CDH12: variants seen among roughly 807,000 people sequenced by gnomAD.
CDH12 encodes cadherin 12, also known as cadherin-12.
CDH12 carries 41 observed loss-of-function variants against 74.1 expected under a neutral mutation model. The ratio of observed to expected loss-of-function variants is 0.55; its 90% CI spans 0.43 to 0.72. CDH12 has a LOEUF of 0.72. Among genes scored for constraint, CDH12 ranks in the 30% least tolerant of loss-of-function variants. The pLI is 0.00. For missense variants in CDH12, 945 were observed against 977.2 expected, an observed-to-expected ratio of 0.97 and a Z score of 0.44; for synonymous variants, 399 against 355.0, an observed-to-expected ratio of 1.12 and a Z score of -1.39.
chr5:22,099,955 C>T (rs1174068428), intron 4 of CDH12, among the ~76,000 whole-genome samples: 1 of 152,144 alleles, frequency 6.6e-6, no homozygotes, highest in African/African-American at 2.4e-5. Flanking sequence ...TCACCCCTTA[C>T]CACAAAATCT....
At chr5:21,844,999 GTAGATAGATAGATAGA>G (rs60865016) in intron 7 of CDH12, among the ~76,000 whole-genome samples, 3 of 149,598 alleles carry the variant, frequency 2.0e-5, no homozygotes, top group East Asian at 2.0e-4. Flanking sequence ...ACTGAGGTAG[GTAGATAGATAGATAGA>G]TAGATAGATA....
At chr5:22,735,586 C>T (rs999759791) in intron 1 of CDH12, among the ~76,000 whole-genome samples, 1 of 151,892 alleles carries the variant, frequency 6.6e-6, no homozygotes, top group African/African-American at 2.4e-5. Flanking sequence ...GTTTTCTATA[C>T]ATGTGTGTGC....
intron 5 of CDH12, among the ~76,000 whole-genome samples, chr5:21,977,780 A>G (rs1308999802): frequency 6.6e-6 from 1 of 152,186 alleles, no homozygotes; most frequent in African/African-American, 2.4e-5. Context: ...TTAAAGCTTC[A>G]GAAAAAAATA....
chr5:22,774,524 G>A (rs1195418859), intron 1 of CDH12, among the ~76,000 whole-genome samples: 4 of 152,000 alleles, frequency 2.6e-5, no homozygotes, highest in Non-Finnish European at 5.9e-5. Flanking sequence ...TTGAATCATG[G>A]GGGGCAAGTC....
In CDH12 at chr5:22,078,862, C is replaced by T. The variant is rs901189720; in HGVS notation, c.-186G>A. 5 of 1,332,640 alleles carry T rather than the reference C, an allele frequency of 3.8e-6. No homozygotes were observed. Among genetic ancestry groups the T allele is most frequent in the Middle Eastern group, 2.8e-4 (1 of 3,592 alleles). The allele number at this position is 1,332,640 out of a possible 1,614,324, so 82.6% of individuals were successfully genotyped here. On this transcript the variant is annotated splice_region_variant and 5_prime_UTR_variant, in exon 5 of 15. Transcript: ENST00000382254. ...CTGTATTATATTCCATCTAAAGGGG[C>T]CTATGAAATAGATGAACAAAGATAC...
At chr5:22,434,075 C>T (rs1013023948) in intron 2 of CDH12, among the ~76,000 whole-genome samples, 1 of 152,090 alleles carries the variant, frequency 6.6e-6, no homozygotes, top group Non-Finnish European at 1.5e-5. Context: ...TTTCCAATAA[C>T]TGGTTCTCAA....
chr5:22,092,085 T>G (rs1743467452), intron 4 of CDH12, among the ~76,000 whole-genome samples: 1 of 151,092 alleles, frequency 6.6e-6, no homozygotes, highest in African/African-American at 2.4e-5. Flanking sequence ...CAATTGGATA[T>G]CCACATAAAA....
intron 3 of CDH12, among the ~76,000 whole-genome samples, chr5:22,386,155 G>A (rs1741989864): frequency 6.6e-6 from 1 of 152,100 alleles, no homozygotes; most frequent in Non-Finnish European, 1.5e-5. Flanking sequence ...GTCTCAAAAA[G>A]TGTTAAGATT....
chr5:22,602,209 CCTTGGA>C (rs1736884242), intron 1 of CDH12, among the ~76,000 whole-genome samples: 1 of 152,094 alleles, frequency 6.6e-6, no homozygotes, highest in African/African-American at 2.4e-5. Flanking sequence ...CCTATGACTT[CCTTGGA>C]TTATGTTGAT....
intron 1 of CDH12, among the ~76,000 whole-genome samples, chr5:22,736,324 T>C: frequency 6.6e-6 from 1 of 151,952 alleles, no homozygotes; most frequent in South Asian, 2.1e-4. Context: ...TGTGTATATA[T>C]GTATTTTTTT....
intron 4 of CDH12, among the ~76,000 whole-genome samples, chr5:22,170,687 C>T (rs1748970916): frequency 6.6e-6 from 1 of 151,640 alleles, no homozygotes; most frequent in Admixed American, 6.6e-5. Flanking sequence ...GTTTCTATGT[C>T]AAAGTAATAT....
intron 1 of CDH12, among the ~76,000 whole-genome samples, chr5:22,630,974 A>C (rs1465855968): frequency 6.6e-6 from 1 of 152,112 alleles, no homozygotes; most frequent in African/African-American, 2.4e-5. Flanking sequence ...AAATTGTGGG[A>C]AAAGTGCATG....
At chr5:21,934,850 G>C (rs1476011461) in intron 6 of CDH12, among the ~76,000 whole-genome samples, 1 of 151,824 alleles carries the variant, frequency 6.6e-6, no homozygotes, top group Non-Finnish European at 1.5e-5. Flanking sequence ...GCAGTGGCGC[G>C]ATCTTGGCTC....
chr5:22,716,762 A>G (rs2126982954), intron 1 of CDH12, among the ~76,000 whole-genome samples: 1 of 152,202 alleles, frequency 6.6e-6, no homozygotes, highest in Admixed American at 6.5e-5. Context: ...GATATTGATG[A>G]TCCTGACCCT....
At chr5:22,592,675 C>A (rs1196928748) in intron 1 of CDH12, among the ~76,000 whole-genome samples, 1 of 142,686 alleles carries the variant, frequency 7.0e-6, no homozygotes, top group Admixed American at 7.2e-5. Context: ...AGCTCTCCCC[C>A]TCCACCCCCC....
At chr5:22,781,401 A>G (rs1370415212) in intron 1 of CDH12, among the ~76,000 whole-genome samples, 1 of 152,202 alleles carries the variant, frequency 6.6e-6, no homozygotes, top group Non-Finnish European at 1.5e-5. Flanking sequence ...TATGACTGTG[A>G]TGAGGCTTTT....
Position 22,455,023 on chromosome 5 carries a change from G to C in CDH12, c.-427-49672C>G, listed in dbSNP as rs191247135. On this transcript the variant is annotated intron_variant, in intron 2 of 14. Coordinates refer to ENST00000382254, the MANE Select transcript of CDH12 (RefSeq NM_004061.5). Reference sequence around the variant, plus strand: ...GAAGAAGTAGAAGAAAATGATACCTGAGAGGTAAACAGAGTGAGGATATGG... The same window carrying C: ...GAAGAAGTAGAAGAAAATGATACCTCAGAGGTAAACAGAGTGAGGATATGG... 2.4e-4 allele frequency among the ~76,000 whole-genome samples: 37 copies of C among 152,278 alleles called. 1 individual carries two copies. The East Asian group carries it at 7.0e-3, about 29-fold the overall frequency.
At chr5:22,841,448 TTAG>T (rs1737078028) in intron 1 of CDH12, among the ~76,000 whole-genome samples, 1 of 152,132 alleles carries the variant, frequency 6.6e-6, no homozygotes, top group Admixed American at 6.6e-5. Context: ...GGAATGTCTA[TTAG>T]ATATCCAAGT....
chr5:21,843,084 C>A (rs950229675), intron 7 of CDH12, among the ~76,000 whole-genome samples: 1 of 152,070 alleles, frequency 6.6e-6, no homozygotes, highest in Middle Eastern at 3.2e-3. Context: ...GTTTATATTC[C>A]TATTTATTCA....
Sources: gnomAD v4.1 joint callset for allele counts (sites outside exome capture counted in the v4.1 genomes callset) on GRCh38, gnomAD v4.1.1 for gene constraint, MANE v1.5 for transcripts, NCBI Gene and HGNC (gene_info 2026-07-23, HGNC 2026-07-21) for gene names.